CTNNA3: variants seen among roughly 807,000 people sequenced by gnomAD.
The protein encoded by CTNNA3 is catenin alpha-3.
CTNNA3 carries 76 observed loss-of-function variants against 95.7 expected under a neutral mutation model. The ratio of observed to expected loss-of-function variants is 0.79; its 90% confidence interval spans 0.66 to 0.96. The LOEUF is 0.96. CTNNA3 is among the 40% of genes least tolerant of loss of function. CTNNA3 has a pLI of 0.00. For missense variants in CTNNA3, 1,191 were observed against 1,089.8 expected (o/e 1.09, Z -1.31); for synonymous variants, 431 against 374.4 (o/e 1.15, Z -1.74).
chr10:66,388,907 C>A (rs962147926), intron 11 of CTNNA3, among the ~76,000 whole-genome samples: 1 of 151,850 alleles, frequency 6.6e-6, no homozygotes, highest in African/African-American at 2.4e-5. Context: ...ATAGAATGCC[C>A]GAAAAAGAAA....
intron 5 of CTNNA3, among the ~76,000 whole-genome samples, chr10:67,235,536 C>T (rs867630143): frequency 4.1e-4 from 61 of 148,858 alleles, no homozygotes; most frequent in Middle Eastern, 3.5e-3. Context: ...AAGACTTAAA[C>T]GTTAGACCTA....
rs1226007082 is a variant in CTNNA3, at chr10:67,577,595, C to A, written c.292+29262G>T. ...CTTTTGGTGTTTTAGACGTGAAACA[C>A]CCATGCCTATGTCCTGAATGGTAAT... is the stretch of plus-strand genomic sequence containing the variant. On this transcript the variant is annotated intron_variant, in intron 3 of 17. Coordinates refer to ENST00000433211, the MANE Select transcript of CTNNA3 (RefSeq NM_013266.4). 2.6e-5 allele frequency among the ~76,000 whole-genome samples: 4 copies of A among 151,966 alleles called. No homozygotes were observed. The East Asian group carries it at 7.7e-4, about 29-fold the overall frequency.
intron 10 of CTNNA3, among the ~76,000 whole-genome samples, chr10:66,542,902 TA>T (rs1375322066): frequency 3.9e-5 from 6 of 151,962 alleles, no homozygotes; most frequent in African/African-American, 1.5e-4. Flanking sequence ...ATATATACAT[TA>T]AAAAAATAAA....
At position 67,162,506 on chromosome 10, in the gene CTNNA3, G is replaced by A. The variant is rs150443637; in HGVS notation, c.1047+17811C>T. On this transcript the variant is annotated intron_variant, in intron 7 of 17. Coordinates refer to ENST00000433211, the MANE Select transcript of CTNNA3 (RefSeq NM_013266.4). Reference sequence around the variant, plus strand: ...AGACAACAGGAAAATCTGCAAAAGAGAAAACATTCCAGCTCTCACTGGGCT... The same window carrying A: ...AGACAACAGGAAAATCTGCAAAAGAAAAAACATTCCAGCTCTCACTGGGCT... Among the ~76,000 whole-genome samples, 854 of 151,830 alleles carry A rather than the reference G, an allele frequency of 5.6e-3. 8 individuals are homozygous for A. Among genetic ancestry groups the A allele is most frequent in the Middle Eastern group, 0.017 (5 of 294 alleles).
rs1431447168 is a variant in CTNNA3, at chr10:67,449,369, A to G, written c.579+72473T>C. Among the ~76,000 whole-genome samples the G allele has an allele frequency of 5.9e-5, 9 of 152,298 alleles. No individual in the cohort carries two copies. The South Asian group carries it at 1.2e-3, about 21-fold the overall frequency. On this transcript the variant is annotated intron_variant, in intron 5 of 17. Transcript: ENST00000433211. ...TATGGAACCAAAACAGAGCCCAAAT[A>G]GCCGAGGCAATGCTAAGCAAAAAGA...
chr10:66,541,465 A>G (rs1244996982), intron 10 of CTNNA3, among the ~76,000 whole-genome samples: 1 of 152,100 alleles, frequency 6.6e-6, no homozygotes, highest in Non-Finnish European at 1.5e-5. Flanking sequence ...ACTTCCATAT[A>G]TGATTAAAAT....
intron 15 of CTNNA3, among the ~76,000 whole-genome samples, chr10:66,013,550 C>A (rs192247271): frequency 1.3e-5 from 2 of 152,136 alleles, no homozygotes; most frequent in South Asian, 2.1e-4. Context: ...ATTTTGCTAA[C>A]GCGCTTTTAA....
At chr10:66,114,801 C>G (rs998532690) in intron 13 of CTNNA3, among the ~76,000 whole-genome samples, 1 of 151,652 alleles carries the variant, frequency 6.6e-6, no homozygotes, top group African/African-American at 2.4e-5. Flanking sequence ...ATCACTTGAA[C>G]CCAGGAGGCA....
chr10:66,844,577 C>T (rs1320840586), intron 7 of CTNNA3, among the ~76,000 whole-genome samples: 1 of 152,138 alleles, frequency 6.6e-6, no homozygotes, highest in Non-Finnish European at 1.5e-5. Flanking sequence ...CTTCTTCACT[C>T]AGTGATTAGC....
At chr10:66,929,184 A>T (rs1847235561) in intron 7 of CTNNA3, among the ~76,000 whole-genome samples, 1 of 152,232 alleles carries the variant, frequency 6.6e-6, no homozygotes, top group Non-Finnish European at 1.5e-5. Flanking sequence ...TCTCTGTAAA[A>T]TCAGACTAGA....
At chr10:66,732,623 G>A (rs12253734) in intron 9 of CTNNA3, among the ~76,000 whole-genome samples, 4,741 of 152,090 alleles carry the variant, frequency 0.031, 253 homozygotes, top group African/African-American at 0.11. Context: ...ATCAGATCTC[G>A]TGAGAATTCA....
chr10:66,814,977 G>A (rs574002723), intron 7 of CTNNA3, among the ~76,000 whole-genome samples: 10 of 150,328 alleles, frequency 6.7e-5, no homozygotes, highest in Non-Finnish European at 1.2e-4. Flanking sequence ...TCAGCCTCCC[G>A]AGGAGTTGGG....
At chr10:67,608,902 C>A (rs1306213864) in intron 2 of CTNNA3, among the ~76,000 whole-genome samples, 1 of 151,904 alleles carries the variant, frequency 6.6e-6, no homozygotes, top group African/African-American at 2.4e-5. Context: ...ACCAACCTGA[C>A]CAACATGGAC....
intron 9 of CTNNA3, among the ~76,000 whole-genome samples, chr10:66,711,856 C>A (rs1180956870): frequency 1.3e-5 from 2 of 152,080 alleles, no homozygotes; most frequent in Non-Finnish European, 2.9e-5. Context: ...AGAAGTGAGC[C>A]ACTATACCCA....
At chr10:67,713,951 A>G (rs1841127653) in intron 1 of CTNNA3, among the ~76,000 whole-genome samples, 1 of 148,832 alleles carries the variant, frequency 6.7e-6, no homozygotes, top group African/African-American at 2.6e-5. Flanking sequence ...TTAAAGTAAA[A>G]TTAAAAAAAA....
intron 15 of CTNNA3, among the ~76,000 whole-genome samples, chr10:66,052,096 T>C (rs2079971108): frequency 6.6e-6 from 1 of 152,108 alleles, no homozygotes; most frequent in African/African-American, 2.4e-5. Flanking sequence ...ATATAATGAT[T>C]TGAAAGCACA....
At chr10:66,661,997 C>T (rs1357500955) in intron 9 of CTNNA3, among the ~76,000 whole-genome samples, 1 of 152,138 alleles carries the variant, frequency 6.6e-6, no homozygotes, top group Non-Finnish European at 1.5e-5. Context: ...CACTGCTCAC[C>T]ATCCATACAC....
chr10:67,121,700 T>G (rs909093812), intron 7 of CTNNA3, among the ~76,000 whole-genome samples: 1 of 151,772 alleles, frequency 6.6e-6, no homozygotes, highest in African/African-American at 2.4e-5. Flanking sequence ...GTACTGGGCA[T>G]GAAAAAATAA....
chr10:66,192,663 C>T (rs1454618862), intron 13 of CTNNA3, among the ~76,000 whole-genome samples: 1 of 152,108 alleles, frequency 6.6e-6, no homozygotes, highest in African/African-American at 2.4e-5. Flanking sequence ...CTTTAAACTC[C>T]AGCCAAACCA....
Sources: gnomAD v4.1 joint callset for allele counts (sites outside exome capture counted in the v4.1 genomes callset) on GRCh38, gnomAD v4.1.1 for gene constraint, MANE v1.5 for transcripts, NCBI Gene and HGNC (gene_info 2026-07-23, HGNC 2026-07-21) for gene names.